The following PRUNE2 variants were observed in gnomAD, a reference collection of about 807,000 sequenced individuals.
PRUNE2 encodes the protein protein prune homolog 2.
In PRUNE2, 164 loss-of-function variants were observed where a neutral mutation model predicts 252.0. The observed-to-expected ratio is 0.65, with a 90% CI of 0.57 to 0.74. The LOEUF is 0.74. Ranked by LOEUF, PRUNE2 falls within the 30% of genes least tolerant of loss-of-function variation. PRUNE2 has a pLI of 0.00. For synonymous variants in PRUNE2, 1,292 were observed against 1,350.2 expected, an observed-to-expected ratio of 0.96 and a Z score of 0.94; for missense variants, 3,495 against 3,711.0, an observed-to-expected ratio of 0.94 and a Z score of 1.51.
chr9:76,845,000 TAAAAAAA>T lies in PRUNE2; in HGVS notation c.508+1508_508+1514del, dbSNP rs55754002. Among the ~76,000 whole-genome samples, 526 of 60,746 alleles carry T rather than the reference TAAAAAAA, an allele frequency of 8.7e-3. 1 individual carries two copies. The highest frequency in any genetic ancestry group is 0.013 in the Non-Finnish European group (434 of 32,892). 39.9% of individuals were successfully genotyped at this position (60,746 alleles called of 152,430 possible). A position where few individuals can be genotyped will look rare whatever the true frequency, so the allele number is the denominator to read the frequency against. Reference sequence around the variant, plus strand: ...GCAATATGGTGAGACCCCCCTCTCTTAAAAAAAAAAAAAAAAAAAAAAAAAAGCAAAA... The same window carrying T: ...GCAATATGGTGAGACCCCCCTCTCTTAAAAAAAAAAAAAAAAAAAGCAAAA... On this transcript the variant is annotated intron_variant, in intron 4 of 18. Coordinates refer to ENST00000376718, the MANE Select transcript of PRUNE2 (RefSeq NM_015225.3).
chr9:76,636,484 G>T lies in PRUNE2; in HGVS notation c.9037C>A (p.Arg3013=). 6.5e-7 allele frequency: 1 copy of T among 1,527,172 alleles called. No homozygotes were observed. The highest frequency in any genetic ancestry group is 8.9e-7 in the Non-Finnish European group (1 of 1,122,222). 94.6% of individuals were successfully genotyped at this position (1,527,172 alleles called of 1,614,324 possible). A position where few individuals can be genotyped will look rare whatever the true frequency, so the allele number is the denominator to read the frequency against. The change falls in exon 15 of 19, where the codon CGA becomes AGA. Residue 3013 remains arginine, a synonymous_variant. Coordinates refer to ENST00000376718, the MANE Select transcript of PRUNE2 (RefSeq NM_015225.3). The stretch of plus-strand genomic sequence containing the variant: ...CATTAACTGTACCTTATAAAAGGTC[G>T]TGTCACAGCAAGGATTGTTCTGATG... ...WFIRTILAVT[R]PFISSKFSSK...
intron 9 of PRUNE2, among the ~76,000 whole-genome samples, chr9:76,656,678 C>T (rs1008905103): frequency 2.6e-5 from 4 of 152,118 alleles, no homozygotes; most frequent in South Asian, 2.1e-4. Context: ...AAAACAGACC[C>T]GTCTCATTCT....
chr9:76,731,368 G>T (rs1355811681), intron 6 of PRUNE2, among the ~76,000 whole-genome samples: 1 of 146,716 alleles, frequency 6.8e-6, no homozygotes, highest in Non-Finnish European at 1.5e-5. Context: ...TGTCACCCAG[G>T]CTGGAGTGCA....
chr9:76,635,334 G>A (rs1226060437), intron 15 of PRUNE2, among the ~76,000 whole-genome samples: 2 of 152,106 alleles, frequency 1.3e-5, no homozygotes, highest in African/African-American at 4.8e-5. Context: ...TTGCCAGAGG[G>A]AAACTAGGGT....
chr9:76,635,924 C>T (rs1463065265), intron 15 of PRUNE2, among the ~76,000 whole-genome samples: 1 of 152,162 alleles, frequency 6.6e-6, no homozygotes, highest in Admixed American at 6.5e-5. Flanking sequence ...AAATAAGTGA[C>T]AAATAAATAT....
intron 6 of PRUNE2, among the ~76,000 whole-genome samples, chr9:76,734,355 A>C (rs1399650571): frequency 6.6e-6 from 1 of 152,180 alleles, no homozygotes; most frequent in Non-Finnish European, 1.5e-5. Context: ...AGATCATCGA[A>C]CCTACAGGAA....
chr9:76,904,696 C>T (rs1007222205), intron 1 of PRUNE2, among the ~76,000 whole-genome samples: 9 of 152,200 alleles, frequency 5.9e-5, no homozygotes, highest in Non-Finnish European at 1.2e-4. Context: ...TTCCTCAACT[C>T]GGAAATCTCC....
chr9:76,838,863 C>T (rs35566808), intron 4 of PRUNE2, among the ~76,000 whole-genome samples: 1 of 152,074 alleles, frequency 6.6e-6, no homozygotes, highest in Non-Finnish European at 1.5e-5. Flanking sequence ...AAAGGGTGCT[C>T]GCTTTGTGAT....
At chr9:76,717,678 C>A (rs1211361900) in intron 6 of PRUNE2, among the ~76,000 whole-genome samples, 2 of 151,732 alleles carry the variant, frequency 1.3e-5, no homozygotes, top group South Asian at 2.1e-4. Context: ...AACTTACCAC[C>A]CCCCCCACCA....
chr9:76,810,141 A>C (rs1221393483), intron 6 of PRUNE2, among the ~76,000 whole-genome samples: 2 of 152,250 alleles, frequency 1.3e-5, no homozygotes, highest in East Asian at 3.8e-4. Flanking sequence ...AGATTACATC[A>C]TGGTATCATG....
At chr9:76,642,001 T>TAAACAAAAAAAAAAAGAAAAGA in intron 12 of PRUNE2, 1 of 1,010,460 alleles carries the variant, frequency 9.9e-7, no homozygotes, top group East Asian at 2.8e-5. Context: ...ATAAGAGAAG[T>TAAACAAAAAAAAAAAGAAAAGA]AAAAAAAAAA....
chr9:76,742,116 C>T (rs577123352), intron 6 of PRUNE2, among the ~76,000 whole-genome samples: 2 of 152,182 alleles, frequency 1.3e-5, no homozygotes, highest in East Asian at 1.9e-4. Flanking sequence ...CTGTACCTGG[C>T]AGAGCTTATT....
At chr9:76,826,857 G>A in intron 4 of PRUNE2, 125 bp from the exon 5 acceptor site, 1 of 729,380 alleles carries the variant, frequency 1.4e-6, no homozygotes, top group South Asian at 2.0e-5. Context: ...CTGGACCAGA[G>A]TCCTCCACAC....
At chr9:76,669,782 C>G (rs1051191026) in intron 9 of PRUNE2, among the ~76,000 whole-genome samples, 13 of 152,152 alleles carry the variant, frequency 8.5e-5, no homozygotes, top group African/African-American at 3.1e-4. Flanking sequence ...TTTGGAGGAG[C>G]AGAAAGGGAT....
chr9:76,800,297 G>A (rs1397001768), intron 6 of PRUNE2, among the ~76,000 whole-genome samples: 12 of 151,772 alleles, frequency 7.9e-5, no homozygotes, highest in Admixed American at 3.9e-4. Flanking sequence ...GAGAACATGC[G>A]GTGTTTGGTT....
chr9:76,837,310 C>T (rs1019276872), intron 4 of PRUNE2, among the ~76,000 whole-genome samples: 24 of 152,064 alleles, frequency 1.6e-4, no homozygotes, highest in East Asian at 5.8e-4. Context: ...GGCGTGGTGG[C>T]GGGCACCTGC....
rs746983106 is a variant in PRUNE2 at position 76,705,520 on chromosome 9, A to C, written c.6754T>G (p.Ser2252Ala). 16 of 1,613,932 alleles carry C rather than the reference A, an allele frequency of 9.9e-6. No individual in the cohort carries two copies. The highest frequency in any genetic ancestry group is 1.3e-5 in the African/African-American group (1 of 74,936). ...PTPEGDGSWI[S>A]DSFSPESQPG... is the part of the protein sequence containing the mutation. Reference sequence around the variant, plus strand: ...TGACTTTCAGGAGAAAAGCTGTCTGATATCCAAGAACCGTCACCTTCTGGA... The same window carrying C: ...TGACTTTCAGGAGAAAAGCTGTCTGCTATCCAAGAACCGTCACCTTCTGGA... Residue 2252 changes from serine (S) to alanine (A), a missense_variant, in exon 8 of 19, where the codon TCA becomes GCA. By Grantham distance (99) the Ser-to-Ala change is moderately conservative. Transcript: ENST00000376718.
chr9:76,873,640 G>A, intron 1 of PRUNE2, among the ~76,000 whole-genome samples: 1 of 152,168 alleles, frequency 6.6e-6, no homozygotes, highest in African/African-American at 2.4e-5. Context: ...GCCTCACAGT[G>A]CCTTTGAAAA....
chr9:76,899,636 G>T (rs7043977), intron 1 of PRUNE2, among the ~76,000 whole-genome samples: 39,206 of 152,054 alleles, frequency 0.26, 7,850 homozygotes, highest in African/African-American at 0.56. Flanking sequence ...CACCAGAACC[G>T]GGAGATACAA....
Sources: gnomAD v4.1 joint callset for allele counts (sites outside exome capture counted in the v4.1 genomes callset) on GRCh38, gnomAD v4.1.1 for gene constraint, MANE v1.5 for transcripts, NCBI Gene and HGNC (gene_info 2026-07-23, HGNC 2026-07-21) for gene names.